Variants in OPCML observed in about 807,000 individuals in gnomAD.
OPCML encodes the protein opioid binding protein/cell adhesion molecule like.
Under a neutral mutation model 37.8 loss-of-function variants are expected in OPCML, and 13 were observed. That is an observed-to-expected ratio of 0.34 (90% confidence interval 0.22 to 0.55). OPCML has a LOEUF of 0.55. Among genes scored for constraint, OPCML ranks in the 20% least tolerant of loss-of-function variants. OPCML has a pLI of 0.91. For missense variants in OPCML, 341 were observed against 435.6 expected, an observed-to-expected ratio of 0.78 and a Z score of 1.93; for synonymous variants, 176 against 168.8, an observed-to-expected ratio of 1.04 and a Z score of -0.33.
chr11:132,479,723 C>T (rs1318057742), intron 4 of OPCML, among the ~76,000 whole-genome samples: 3 of 152,168 alleles, frequency 2.0e-5, no homozygotes, highest in South Asian at 4.1e-4. Flanking sequence ...GACCCCTGAC[C>T]CCCAAGCAGC....
chr11:132,988,635 G>C (rs912729770), intron 1 of OPCML, among the ~76,000 whole-genome samples: 1 of 152,124 alleles, frequency 6.6e-6, no homozygotes, highest in Admixed American at 6.5e-5. Context: ...AATGAATACA[G>C]CCTTCTCTCT....
chr11:133,236,880 G>GGACATAGCA (rs141310946), intron 1 of OPCML, among the ~76,000 whole-genome samples: 19,952 of 152,052 alleles, frequency 0.13, 2,133 homozygotes, highest in East Asian at 0.53. Flanking sequence ...AGTGGAAACC[G>GGACATAGCA]GACATAGCAG....
At chr11:133,230,742 C>T (rs1021462144) in intron 1 of OPCML, among the ~76,000 whole-genome samples, 3 of 152,176 alleles carry the variant, frequency 2.0e-5, no homozygotes, top group Non-Finnish European at 2.9e-5. Context: ...CCAGCTGGAG[C>T]CCATTTCACT....
chr11:133,361,506 C>A (rs1020251140), intron 1 of OPCML: 1 of 153,740 alleles, frequency 6.5e-6, no homozygotes, highest in Non-Finnish European at 1.4e-5. Flanking sequence ...AAGCGGTTCG[C>A]CCGCCGCGCA....
intron 2 of OPCML, among the ~76,000 whole-genome samples, chr11:132,766,111 AC>A (rs1219350963): frequency 0.011 from 1,703 of 151,530 alleles, 28 homozygotes; most frequent in African/African-American, 0.038. Flanking sequence ...AAAAAAAAAA[AC>A]TAAATAAATG....
At chr11:133,410,901 G>T (rs1479456196) in intron 1 of OPCML, among the ~76,000 whole-genome samples, 2 of 152,136 alleles carry the variant, frequency 1.3e-5, no homozygotes, top group Non-Finnish European at 2.9e-5. Flanking sequence ...AACTCTTAGA[G>T]ACCATGGGAC....
At chr11:133,342,475 G>C (rs1047175479) in intron 1 of OPCML, among the ~76,000 whole-genome samples, 1 of 152,222 alleles carries the variant, frequency 6.6e-6, no homozygotes, top group Non-Finnish European at 1.5e-5. Context: ...TCATTGAGAG[G>C]CTTCAACAGC....
chr11:132,817,641 G>A (rs1349938014), intron 2 of OPCML, among the ~76,000 whole-genome samples: 1 of 152,054 alleles, frequency 6.6e-6, no homozygotes, highest in Non-Finnish European at 1.5e-5. Context: ...AATGAACTTG[G>A]CAGGAGAAAA....
chr11:133,291,852 C>G (rs918243100), intron 1 of OPCML, among the ~76,000 whole-genome samples: 1 of 152,356 alleles, frequency 6.6e-6, no homozygotes, highest in Non-Finnish European at 1.5e-5. Context: ...TGCCCACACA[C>G]ATGCACACAC....
intron 2 of OPCML, among the ~76,000 whole-genome samples, chr11:132,827,282 A>T (rs527512596): frequency 4.6e-5 from 7 of 152,330 alleles, no homozygotes; most frequent in Non-Finnish European, 8.8e-5. Flanking sequence ...ACCAAATATG[A>T]TCTACAGATA....
At chr11:133,361,657 G>T (rs115668880) in intron 1 of OPCML, 1 of 153,416 alleles carries the variant, frequency 6.5e-6, no homozygotes, top group Non-Finnish European at 1.4e-5. Context: ...ATCCCGGGGC[G>T]CCTGCAGCTA....
intron 2 of OPCML, among the ~76,000 whole-genome samples, chr11:132,931,141 A>G (rs560097276): frequency 5.1e-4 from 77 of 150,518 alleles, no homozygotes; most frequent in African/African-American, 1.8e-3. Context: ...GACTCATATT[A>G]CACCATATAC....
intron 1 of OPCML, among the ~76,000 whole-genome samples, chr11:132,975,108 A>G (rs573246212): frequency 2.3e-4 from 35 of 151,950 alleles, no homozygotes; most frequent in African/African-American, 7.7e-4. Flanking sequence ...ATGCCACTAT[A>G]GGTGCTGATT....
chr11:133,160,485 G>A (rs142876776), intron 1 of OPCML, among the ~76,000 whole-genome samples: 1 of 152,180 alleles, frequency 6.6e-6, no homozygotes, highest in Non-Finnish European at 1.5e-5. Context: ...TGCTACATTT[G>A]CCCTGAGCCT....
intron 1 of OPCML, among the ~76,000 whole-genome samples, chr11:133,485,104 T>C (rs1947499119): frequency 6.6e-6 from 1 of 152,194 alleles, no homozygotes; most frequent in Admixed American, 6.5e-5. Context: ...GAAACATCTA[T>C]TGTCATCGAA....
At chr11:133,125,306 G>A (rs1949483784) in intron 1 of OPCML, among the ~76,000 whole-genome samples, 1 of 151,980 alleles carries the variant, frequency 6.6e-6, no homozygotes, top group African/African-American at 2.4e-5. Context: ...CAGTGTCTAT[G>A]TTTGAGCTTT....
At chr11:133,331,625 T>C (rs1282011237) in intron 1 of OPCML, among the ~76,000 whole-genome samples, 2 of 152,216 alleles carry the variant, frequency 1.3e-5, no homozygotes, top group Non-Finnish European at 2.9e-5. Flanking sequence ...ACTTGTCAAT[T>C]ACATACTATT....
At chr11:133,102,741 C>T (rs746544926) in intron 1 of OPCML, among the ~76,000 whole-genome samples, 3 of 152,082 alleles carry the variant, frequency 2.0e-5, no homozygotes, top group Non-Finnish European at 2.9e-5. Context: ...TAGAGCAAGA[C>T]TCCATCTCAA....
intron 7 of OPCML, among the ~76,000 whole-genome samples, chr11:132,423,560 G>A (rs2095967378): frequency 6.6e-6 from 1 of 152,178 alleles, no homozygotes; most frequent in African/African-American, 2.4e-5. Flanking sequence ...CATGGGCAAT[G>A]AACTCATTCT....
Sources: gnomAD v4.1 joint callset for allele counts (sites outside exome capture counted in the v4.1 genomes callset) on GRCh38, gnomAD v4.1.1 for gene constraint, MANE v1.5 for transcripts, NCBI Gene and HGNC (gene_info 2026-07-23, HGNC 2026-07-21) for gene names.